CYB561D2: variants seen among roughly 807,000 people sequenced by gnomAD.
CYB561D2 encodes transmembrane reductase CYB561D2.
Under a neutral mutation model 20.2 loss-of-function variants are expected in CYB561D2, and 16 were observed. That is an observed-to-expected ratio of 0.79 (90% confidence interval 0.53 to 1.20). The LOEUF (loss-of-function observed/expected upper bound fraction) is 1.20. CYB561D2 is among the 50% of genes most tolerant of loss of function. The pLI is 0.00. For missense variants in CYB561D2, 247 were observed against 270.3 expected (o/e 0.91, Z 0.60); for synonymous variants, 135 against 128.3 (o/e 1.05, Z -0.35).
chr3:50,352,684 CAAAAAAAAAAAAAA>C (rs59516380), intron 3 of CYB561D2, among the ~76,000 whole-genome samples: 2 of 45,706 alleles, frequency 4.4e-5, no homozygotes, highest in African/African-American at 8.5e-5. Flanking sequence ...AGACTATCTC[CAAAAAAAAAAAAAA>C]AAAAAAAAAG....
rs377302925 is a variant in CYB561D2 at position 50,353,453 on chromosome 3, G to T, written c.378G>T (p.Leu126=). 9.4e-5 allele frequency: 151 copies of T among 1,613,014 alleles called. No homozygotes were observed. Among genetic ancestry groups the T allele is most frequent in the Non-Finnish European group, 1.2e-4 (140 of 1,179,916 alleles). Residue 126 remains leucine, a synonymous_variant, in exon 4 of 4, where the codon CTG becomes CTT. Transcript: ENST00000425346. ...CGCGGCATGGGCAGGCAGGGCTGCT[G>T]GCTGTGCTGTGGGCAGGGCTGCAGT... ...LVTRHGQAGL[L]AVLWAGLQCS...
intron 2 of CYB561D2, 112 bp from the exon 3 acceptor site, chr3:50,351,897 T>C: frequency 7.7e-7 from 1 of 1,306,798 alleles, no homozygotes; most frequent in Non-Finnish European, 1.1e-6. Flanking sequence ...GGGCTCACAG[T>C]TTGGCAGCAC....
chr3:50,351,050 C>T, intron 1 of CYB561D2, 66 bp downstream of exon 1: 1 of 529,290 alleles, frequency 1.9e-6, no homozygotes, highest in Non-Finnish European at 3.0e-6. Flanking sequence ...CTAAGGGATT[C>T]ACGCTGTAAC....
Position 50,353,244 on chromosome 3 carries a change from T to A in CYB561D2, c.169T>A (p.Ser57Thr). The change falls in exon 4 of 4, where the codon TCC becomes ACC. Residue 57 changes from serine to threonine, a missense_variant. Coordinates refer to ENST00000425346, the MANE Select transcript of CYB561D2 (RefSeq NM_001291284.2). ...TTCCCATCCCCTGTTTCCTCAGTTC[T>A]CCTTCCTGATGACCGAGGCACTACT... Reference protein sequence around the residue: ...WHPVLMSLAFSFLMTEALLVF... With the variant: ...WHPVLMSLAFTFLMTEALLVF... 1 of 1,556,260 alleles carries A rather than the reference T, an allele frequency of 6.4e-7. No individual in the cohort carries two copies. Among genetic ancestry groups the A allele is most frequent in the Non-Finnish European group, 8.7e-7 (1 of 1,145,200 alleles).
At chr3:50,352,930 G>A (rs750166973) in intron 3 of CYB561D2, among the ~76,000 whole-genome samples, 1 of 152,170 alleles carries the variant, frequency 6.6e-6, no homozygotes, top group Non-Finnish European at 1.5e-5. Flanking sequence ...CCAGCCCCAC[G>A]TTAGGGAAAC....
intron 1 of CYB561D2, 167 bp from the exon 2 acceptor site, chr3:50,351,235 AGGCCGCC>A: frequency 1.4e-6 from 1 of 692,424 alleles, no homozygotes; most frequent in Non-Finnish European, 2.3e-6. Flanking sequence ...ACACGTTGAC[AGGCCGCC>A]GGCCGTCGAC....
rs763648091 is a variant in CYB561D2 at position 50,353,505 on chromosome 3, C to T, written c.430C>T (p.Pro144Ser). The change falls in exon 4 of 4, where the codon CCC becomes TCC. Residue 144 changes from proline (P) to serine (S), a missense_variant. Coordinates refer to ENST00000425346, the MANE Select transcript of CYB561D2 (RefSeq NM_001291284.2). ...CTCAGGTGGGGTGGGGCTGCTCTAC[C>T]CCAAGCTGCTGCCCCGATGGCCCCT... ...QCSGGVGLLYPKLLPRWPLAK... is the reference protein window; with the variant it reads ...QCSGGVGLLYSKLLPRWPLAK... 2.6e-5 allele frequency: 42 copies of T among 1,613,334 alleles called. No homozygotes were observed. Among genetic ancestry groups the T allele is most frequent in the Non-Finnish European group, 3.4e-5 (40 of 1,180,022 alleles).
chr3:50,353,179 G>A, intron 3 of CYB561D2, 62 bp from the exon 4 acceptor site: 2 of 1,510,008 alleles, frequency 1.3e-6, no homozygotes, highest in South Asian at 1.3e-5. Context: ...GTTACATAAA[G>A]CCCTCTTCTC....
intron 1 of CYB561D2, 190 bp from the exon 2 acceptor site, chr3:50,351,219 A>G (rs1205804744): frequency 1.6e-6 from 1 of 616,580 alleles, no homozygotes; most frequent in Non-Finnish European, 2.7e-6. Flanking sequence ...CAGTTCAGAC[A>G]TGGGTACACG....
chr3:50,351,159 C>T, intron 1 of CYB561D2, 175 bp downstream of exon 1: 1 of 503,922 alleles, frequency 2.0e-6, no homozygotes, highest in South Asian at 3.1e-5. Context: ...GATTTGTAGT[C>T]TTACATGGCT....
At chr3:50,353,211 A>G in intron 3 of CYB561D2, 30 bp from the exon 4 acceptor site, 1 of 1,534,292 alleles carries the variant, frequency 6.5e-7, no homozygotes, top group African/African-American at 1.4e-5. Flanking sequence ...CAGCACCCTC[A>G]CTTGAGCTTC....
Position 50,353,593 on chromosome 3 carries a change from G to A in CYB561D2, c.518G>A (p.Ser173Asn). Residue 173 changes from serine to asparagine, a missense_variant, in exon 4 of 4, where the codon AGC (serine) becomes AAC (asparagine). Ser to Asn is a conservative substitution (Grantham distance 46). Transcript: ENST00000425346. ...GTGGGCTACCTGCTGGGTAGTGCCA[G>A]CCTCTTGCTGGGCATGTGCTCACTC... Reference protein sequence around the residue: ...GLVGYLLGSASLLLGMCSLWF... With the variant: ...GLVGYLLGSANLLLGMCSLWF... The A allele has an allele frequency of 1.2e-6, 2 of 1,613,786 alleles. No homozygotes were observed. Among genetic ancestry groups the A allele is most frequent in the Non-Finnish European group, 1.7e-6 (2 of 1,180,036 alleles).
intron 1 of CYB561D2, 175 bp downstream of exon 1, chr3:50,351,159 C>G (rs1325058681): frequency 2.0e-6 from 1 of 503,800 alleles, no homozygotes; most frequent in Non-Finnish European, 3.4e-6. Flanking sequence ...GATTTGTAGT[C>G]TTACATGGCT....
intron 3 of CYB561D2, among the ~76,000 whole-genome samples, chr3:50,352,265 G>A (rs1013646820): frequency 6.6e-6 from 1 of 152,064 alleles, no homozygotes; most frequent in African/African-American, 2.4e-5. Context: ...CATCACCTGA[G>A]GTCAGGAGAT....
intron 3 of CYB561D2, among the ~76,000 whole-genome samples, chr3:50,352,408 A>G (rs1366632068): frequency 6.6e-6 from 1 of 151,240 alleles, no homozygotes; most frequent in Admixed American, 6.6e-5. Context: ...TGAACCCAGG[A>G]GACGGAGGTT....
At position 50,353,204 on chromosome 3, in the gene CYB561D2, C is replaced by T. The variant is rs1703811572; in HGVS notation, c.166-37C>T. On this transcript the variant is annotated intron_variant, in intron 3 of 3. Coordinates refer to ENST00000425346, the MANE Select transcript of CYB561D2 (RefSeq NM_001291284.2). ...GCCCTCTTCTCCTCTTCTGGGGCAG[C>T]ACCCTCACTTGAGCTTCCCATCCCC... 3 of 1,528,098 alleles carry T rather than the reference C, an allele frequency of 2.0e-6. No homozygotes were observed. The East Asian group carries it at 6.8e-5, about 35-fold the overall frequency. 94.7% of individuals were successfully genotyped at this position (1,528,098 alleles called of 1,614,324 possible). A position where few individuals can be genotyped will look rare whatever the true frequency, so the allele number is the denominator to read the frequency against.
chr3:50,351,124 C>A, intron 1 of CYB561D2, 140 bp downstream of exon 1: 1 of 445,658 alleles, frequency 2.2e-6, no homozygotes, highest in Non-Finnish European at 3.9e-6. Context: ...GGCTCTACTG[C>A]CGGCGACGGC....
intron 2 of CYB561D2, 116 bp from the exon 3 acceptor site, chr3:50,351,893 A>G (rs1270330340): frequency 1.6e-6 from 2 of 1,260,918 alleles, no homozygotes; most frequent in African/African-American, 3.0e-5. Context: ...GAAGGGGCTC[A>G]CAGTTTGGCA....
At chr3:50,351,089 C>T in intron 1 of CYB561D2, 105 bp downstream of exon 1, 1 of 454,692 alleles carries the variant, frequency 2.2e-6, no homozygotes, top group Non-Finnish European at 3.7e-6. Context: ...CTACAATTTC[C>T]ATAGTGCTCC....
Sources: allele counts gnomAD v4.1 joint callset (sites outside exome capture counted in the v4.1 genomes callset), GRCh38; gene constraint gnomAD v4.1.1; transcripts MANE v1.5; gene names NCBI Gene and HGNC (gene_info 2026-07-23, HGNC 2026-07-21).